The following SERPINI2 variants were observed in gnomAD, a reference collection of about 807,000 sequenced individuals.
SERPINI2 encodes the protein serpin I2.
SERPINI2 carries 48 observed loss-of-function variants against 47.3 expected under a neutral mutation model. The observed-to-expected ratio is 1.02, with a 90% confidence interval of 0.81 to 1.29. The LOEUF is 1.29. SERPINI2 is among the 50% of genes most tolerant of loss of function. SERPINI2 has a pLI of 0.00. For synonymous variants in SERPINI2, 135 were observed against 149.3 expected (o/e 0.90, Z 0.70); for missense variants, 448 against 456.9 (o/e 0.98, Z 0.18).
chr3:167,465,315 GA>G lies in SERPINI2; in HGVS notation c.756del (p.Pro253LeufsTer7). Reference sequence around the variant, plus strand: ...TCTTCTATATCCATACCTTCTGCAGGAAGTATGATAATTAAGCTAAATTCAT... The same window carrying G: ...TCTTCTATATCCATACCTTCTGCAGGAGTATGATAATTAAGCTAAATTCAT... On this transcript the variant is annotated frameshift_variant, in exon 5 of 9. Transcript: ENST00000264677. LOFTEE classifies it high-confidence loss of function. 6.2e-7 allele frequency: 1 copy of G among 1,612,908 alleles called. No homozygotes were observed. Among genetic ancestry groups the G allele is most frequent in the Non-Finnish European group, 8.5e-7 (1 of 1,179,528 alleles).
chr3:167,467,284 C>T (rs779979063), exon 3 of SERPINI2: 24 of 1,599,830 alleles, frequency 1.5e-5, no homozygotes, highest in Non-Finnish European at 2.0e-5. Context: ...AAAATTCTTC[C>T]CCTAGAAAAT....
At chr3:167,465,817 G>T in intron 3 of SERPINI2, 144 bp from the exon 4 acceptor site, 1 of 627,830 alleles carries the variant, frequency 1.6e-6, no homozygotes, top group Non-Finnish European at 2.7e-6. Flanking sequence ...GTAATTTTGA[G>T]AATAGACGGG....
At chr3:167,454,367 C>A (rs1278732403) in intron 5 of SERPINI2, among the ~76,000 whole-genome samples, 1 of 152,202 alleles carries the variant, frequency 6.6e-6, no homozygotes, top group Non-Finnish European at 1.5e-5. Flanking sequence ...ATGGACACAA[C>A]ATGCACATTA....
chr3:167,442,091 T>A, exon 9 of SERPINI2: 2 of 1,567,418 alleles, frequency 1.3e-6, no homozygotes, highest in South Asian at 2.4e-5. Flanking sequence ...TCTTTTATTC[T>A]GAGGCTGTGC....
intron 8 of SERPINI2, among the ~76,000 whole-genome samples, chr3:167,444,048 G>A (rs1749400186): frequency 6.6e-6 from 1 of 151,920 alleles, no homozygotes; most frequent in Admixed American, 6.6e-5. Context: ...CAAGCTAATG[G>A]CGAGAAAAAA....
At chr3:167,475,139 T>A (rs1337443966), upstream of SERPINI2, among the ~76,000 whole-genome samples, 2 of 151,774 alleles carry the variant, frequency 1.3e-5, no homozygotes, top group East Asian at 3.9e-4. Context: ...TCCAAATGTT[T>A]TCTAGATCTT....
rs68048909 is a variant in SERPINI2 at position 167,456,150 on chromosome 3, CTGTGTGTG to C, written c.867-3125_867-3118del. Among the ~76,000 whole-genome samples the C allele has an allele frequency of 3.6e-3, 523 of 144,510 alleles. 3 individuals are homozygous for C. Among genetic ancestry groups the C allele is most frequent in the African/African-American group, 0.012 (465 of 39,104 alleles). 94.8% of individuals were successfully genotyped at this position (144,510 alleles called of 152,430 possible). On this transcript the variant is annotated intron_variant, in intron 5 of 8. Coordinates refer to ENST00000264677, the Ensembl canonical transcript of SERPINI2. ...CTGGTCACTTTCCAATCAATTACCT[CTGTGTGTG>C]TGTGTGTGTGTGTGTGTGTGTGTGT... is the stretch of plus-strand genomic sequence containing the variant.
intron 8 of SERPINI2, among the ~76,000 whole-genome samples, chr3:167,442,729 A>C (rs992595209): frequency 6.6e-6 from 1 of 152,218 alleles, no homozygotes; most frequent in South Asian, 2.1e-4. Context: ...ATACAGCATA[A>C]ATGCAAATAC....
At chr3:167,474,478 C>T (rs1750435401), upstream of SERPINI2, among the ~76,000 whole-genome samples, 1 of 151,638 alleles carries the variant, frequency 6.6e-6, no homozygotes, top group Non-Finnish European at 1.5e-5. Flanking sequence ...CAAATCACTG[C>T]TGCATTGACA....
At chr3:167,446,766 A>G (rs1749491884) in intron 7 of SERPINI2, 2 of 199,906 alleles carry the variant, frequency 1.0e-5, no homozygotes, top group South Asian at 3.1e-4. Context: ...CAGTTGAAAA[A>G]ATTTATCTTT....
At chr3:167,470,550 C>CTTGTTTTTTTTTT (rs1750277158) in intron 2 of SERPINI2, among the ~76,000 whole-genome samples, 1 of 93,048 alleles carries the variant, frequency 1.1e-5, no homozygotes, top group African/African-American at 5.7e-5. Context: ...TGAGCAACAA[C>CTTGTTTTTTTTTT]TTTTTTTTTT....
chr3:167,464,825 TTG>T (rs2108168297), intron 5 of SERPINI2, among the ~76,000 whole-genome samples: 1 of 152,324 alleles, frequency 6.6e-6, no homozygotes, highest in African/African-American at 2.4e-5. Flanking sequence ...TATCTTTCAA[TTG>T]TGTAAAACAT....
At chr3:167,447,001 T>G (rs1489654719) in intron 7 of SERPINI2, 1 of 152,124 alleles carries the variant, frequency 6.6e-6, no homozygotes, top group Admixed American at 6.6e-5. Flanking sequence ...TATTATGAGA[T>G]TTGAAGCAGA....
At chr3:167,447,582 C>T (rs1749516791) in intron 7 of SERPINI2, among the ~76,000 whole-genome samples, 1 of 152,168 alleles carries the variant, frequency 6.6e-6, no homozygotes. Context: ...ACATAAAGAG[C>T]TCTGAACTTA....
At chr3:167,462,986 GGCTTAT>G (rs1300280871) in intron 5 of SERPINI2, among the ~76,000 whole-genome samples, 2 of 151,990 alleles carry the variant, frequency 1.3e-5, no homozygotes. Context: ...TTGAGGTTGG[GGCTTAT>G]GCATTATTAT....
chr3:167,454,432 C>A (rs992898730), intron 5 of SERPINI2, among the ~76,000 whole-genome samples: 7 of 152,138 alleles, frequency 4.6e-5, no homozygotes, highest in Admixed American at 1.3e-4. Flanking sequence ...TCACCCTCTT[C>A]CTTGTAACTT....
chr3:167,466,862 T>C (rs886493722), intron 3 of SERPINI2, among the ~76,000 whole-genome samples, 193 bp downstream of exon 3: 1 of 152,136 alleles, frequency 6.6e-6, no homozygotes, highest in African/African-American at 2.4e-5. Flanking sequence ...CAGTATTCTT[T>C]TCAAAGCAGC....
chr3:167,473,198 T>C (rs965016781), intron 1 of SERPINI2, among the ~76,000 whole-genome samples: 5 of 151,696 alleles, frequency 3.3e-5, no homozygotes, highest in Non-Finnish European at 7.4e-5. Flanking sequence ...GACAAAAGCC[T>C]CAAAAAACAA....
intron 3 of SERPINI2, among the ~76,000 whole-genome samples, chr3:167,465,906 G>C (rs140434608): frequency 6.6e-6 from 1 of 152,126 alleles, no homozygotes; most frequent in Non-Finnish European, 1.5e-5. Flanking sequence ...ACTGTTTTAG[G>C]CAAACTCAGA....
Sources: allele counts gnomAD v4.1 joint callset (sites outside exome capture counted in the v4.1 genomes callset), GRCh38; gene constraint gnomAD v4.1.1; transcripts MANE v1.5; gene names NCBI Gene and HGNC (gene_info 2026-07-23, HGNC 2026-07-21).